Variants in CACNA1E observed in about 807,000 individuals in gnomAD.
CACNA1E encodes calcium voltage-gated channel subunit alpha1 E.
A neutral mutation model predicts 259.2 loss-of-function variants in CACNA1E; 40 were observed. The ratio of observed to expected loss-of-function variants is 0.15; its 90% CI spans 0.12 to 0.20. CACNA1E has a LOEUF of 0.20. Ranked by LOEUF, CACNA1E falls within the 10% of genes least tolerant of loss-of-function variation. The probability of loss-of-function intolerance (pLI) is 1.00; values close to 1 mark genes in which losing one functional copy is unlikely to be tolerated. For synonymous variants in CACNA1E, 1,104 were observed against 1,138.5 expected, an observed-to-expected ratio of 0.97 and a Z score of 0.61; for missense variants, 1,874 against 3,040.1, an observed-to-expected ratio of 0.62 and a Z score of 9.02.
chr1:181,346,045 C>G (rs1652567580), intron 1 of CACNA1E, among the ~76,000 whole-genome samples: 3 of 152,202 alleles, frequency 2.0e-5, no homozygotes, highest in Admixed American at 6.5e-5. Context: ...CTGTCACGCT[C>G]TGGCAGGATG....
In CACNA1E at chr1:181,798,830, G is replaced by A. The variant is rs1662054195; in HGVS notation, c.6938G>A (p.Cys2313Tyr). Reference sequence around the variant, plus strand: ...AGTGACACGGAAGAAGATGACAAATGCTAGAGGCTGCTCCCCCCTCCGATG... The same window carrying A: ...AGTGACACGGAAGAAGATGACAAATACTAGAGGCTGCTCCCCCCTCCGATG... ...LLSDTEEDDKC is the reference protein window; with the variant it reads ...LLSDTEEDDKY Residue 2313 changes from cysteine (C) to tyrosine (Y), a missense_variant, in exon 48 of 48, where the codon TGC (cysteine) becomes TAC (tyrosine). By Grantham distance (194) the Cys-to-Tyr change is radical (BLOSUM62 -2). Transcript: ENST00000367573. The surrounding 1 kb of genome is among the most constrained non-coding windows in gnomAD (Gnocchi z 4.2). The A allele has an allele frequency of 6.6e-7, 1 of 1,511,376 alleles. No individual in the cohort carries two copies. Among genetic ancestry groups the A allele is most frequent in the Admixed American group, 2.0e-5 (1 of 49,484 alleles). The allele number at this position is 1,511,376 out of a possible 1,614,324, so 93.6% of individuals were successfully genotyped here.
chr1:181,640,118 ACT>A (rs1194679228), intron 6 of CACNA1E, among the ~76,000 whole-genome samples: 2 of 152,176 alleles, frequency 1.3e-5, no homozygotes, highest in Non-Finnish European at 2.9e-5. Context: ...GGATGAGGCT[ACT>A]TACAAATGGA....
intron 2 of CACNA1E, among the ~76,000 whole-genome samples, chr1:181,477,684 C>T (rs573961154): frequency 1.4e-4 from 22 of 152,272 alleles, no homozygotes; most frequent in African/African-American, 5.3e-4. Context: ...TGTGTTCATC[C>T]CTGGCTGCAC....
intron 17 of CACNA1E, among the ~76,000 whole-genome samples, chr1:181,724,873 T>C (rs1048883134): frequency 6.6e-6 from 1 of 152,262 alleles, no homozygotes; most frequent in Non-Finnish European, 1.5e-5. Context: ...CCTCTGCTAC[T>C]GCAACCTGCG....
chr1:181,486,293 G>T (rs2102482611), intron 1 of CACNA1E, among the ~76,000 whole-genome samples: 1 of 152,368 alleles, frequency 6.6e-6, no homozygotes, highest in South Asian at 2.1e-4. Flanking sequence ...TTTCACAGTG[G>T]TTCTACAGCA....
chr1:181,569,044 G>T (rs1225704825), intron 3 of CACNA1E, among the ~76,000 whole-genome samples: 1 of 152,192 alleles, frequency 6.6e-6, no homozygotes, highest in African/African-American at 2.4e-5. Context: ...CATCTGGGAT[G>T]TTCTTCCCAC....
intron 1 of CACNA1E, among the ~76,000 whole-genome samples, chr1:181,384,427 C>T (rs1367033660): frequency 6.6e-6 from 1 of 152,150 alleles, no homozygotes; most frequent in Admixed American, 6.5e-5. Flanking sequence ...CTTTCTTCAC[C>T]CTATTTTATT....
intron 3 of CACNA1E, among the ~76,000 whole-genome samples, chr1:181,547,287 T>C (rs1647581854): frequency 6.6e-6 from 1 of 152,010 alleles, no homozygotes; most frequent in South Asian, 2.1e-4. Flanking sequence ...TGCTTGCCCC[T>C]GACTCTGGCC....
chr1:181,612,001 A>G (rs1349962039), intron 6 of CACNA1E, among the ~76,000 whole-genome samples: 2 of 151,926 alleles, frequency 1.3e-5, no homozygotes, highest in Non-Finnish European at 2.9e-5. Flanking sequence ...TCTGAAGGCC[A>G]ATGCACCAAT....
chr1:181,402,678 G>T (rs930497516), intron 1 of CACNA1E, among the ~76,000 whole-genome samples: 5 of 152,138 alleles, frequency 3.3e-5, no homozygotes, highest in African/African-American at 1.2e-4. Flanking sequence ...TGGGGGAGGG[G>T]TCAGGTGGAA....
At chr1:181,622,337 A>C (rs1183611467) in intron 6 of CACNA1E, among the ~76,000 whole-genome samples, 1 of 152,186 alleles carries the variant, frequency 6.6e-6, no homozygotes, top group Non-Finnish European at 1.5e-5. Flanking sequence ...CTGATTATGA[A>C]GGTAATGTTA....
intron 7 of CACNA1E, among the ~76,000 whole-genome samples, chr1:181,679,154 A>G (rs1649674231): frequency 6.6e-6 from 1 of 152,232 alleles, no homozygotes; most frequent in Non-Finnish European, 1.5e-5. Flanking sequence ...GTAAACGATG[A>G]AGAAATCTGG....
At chr1:181,605,989 C>A (rs186647387) in intron 6 of CACNA1E, among the ~76,000 whole-genome samples, 1 of 152,120 alleles carries the variant, frequency 6.6e-6, no homozygotes, top group African/African-American at 2.4e-5. Context: ...GCATTCAACA[C>A]GGTTGCTTTC....
intron 13 of CACNA1E, 87 bp from the exon 14 acceptor site, chr1:181,720,119 A>T (rs981904779): frequency 6.8e-6 from 10 of 1,464,030 alleles, no homozygotes; most frequent in Non-Finnish European, 9.4e-6. Flanking sequence ...AGCTTATTTC[A>T]TAGACTACCA....
At chr1:181,585,541 G>C (rs1651975011) in intron 6 of CACNA1E, among the ~76,000 whole-genome samples, 1 of 152,164 alleles carries the variant, frequency 6.6e-6, no homozygotes. Flanking sequence ...AAAACATATG[G>C]TATATCAGAT....
At chr1:181,404,844 C>T (rs1657351930) in intron 1 of CACNA1E, among the ~76,000 whole-genome samples, 1 of 152,170 alleles carries the variant, frequency 6.6e-6, no homozygotes, top group Non-Finnish European at 1.5e-5. Context: ...GAGCTCAGGC[C>T]ACCAGCACAG....
intron 6 of CACNA1E, among the ~76,000 whole-genome samples, chr1:181,630,165 A>G (rs1231490837): frequency 6.6e-6 from 1 of 152,180 alleles, no homozygotes; most frequent in Non-Finnish European, 1.5e-5. Flanking sequence ...ACATCTTTGT[A>G]TGCAGTTGTA....
At chr1:181,520,066 T>A (rs1019862882) in intron 3 of CACNA1E, among the ~76,000 whole-genome samples, 1 of 152,228 alleles carries the variant, frequency 6.6e-6, no homozygotes, top group Non-Finnish European at 1.5e-5. Flanking sequence ...ACAGCTCCCA[T>A]TTAACCAGGA....
At chr1:181,461,596 C>T (rs1425453570) in intron 2 of CACNA1E, among the ~76,000 whole-genome samples, 4 of 148,372 alleles carry the variant, frequency 2.7e-5, no homozygotes, top group South Asian at 4.3e-4. Context: ...ATGATAGTTT[C>T]TAATACTTCA....
Sources: allele counts gnomAD v4.1 joint callset (sites outside exome capture counted in the v4.1 genomes callset), GRCh38; gene constraint gnomAD v4.1.1; non-coding constraint Gnocchi (gnomAD v3.1); transcripts MANE v1.5; gene names NCBI Gene and HGNC (gene_info 2026-07-23, HGNC 2026-07-21).